Variants in R3HCC1 observed in about 807,000 individuals in gnomAD.
The protein encoded by R3HCC1 is R3H domain and coiled-coil containing 1.
Under a neutral mutation model 40.0 loss-of-function variants are expected in R3HCC1, and 32 were observed. That is an observed-to-expected ratio of 0.80 (90% CI 0.60 to 1.07). The LOEUF is 1.07. Ranked by LOEUF, R3HCC1 falls within the 50% of genes least tolerant of loss-of-function variation. R3HCC1 has a pLI of 0.00. For synonymous variants in R3HCC1, 237 were observed against 232.8 expected (o/e 1.02, Z -0.17); for missense variants, 586 against 563.3 (o/e 1.04, Z -0.41).
At chr8:23,294,061 G>A (rs759175321) in intron 6 of R3HCC1, among the ~76,000 whole-genome samples, 1 of 152,114 alleles carries the variant, frequency 6.6e-6, no homozygotes, top group Non-Finnish European at 1.5e-5. Context: ...GCCTGGGAGC[G>A]CCATTGCTGC....
intron 3 of R3HCC1, 133 bp from the exon 4 acceptor site, chr8:23,289,733 C>A: frequency 7.8e-7 from 1 of 1,284,460 alleles, no homozygotes; most frequent in South Asian, 1.6e-5. Context: ...AAGGGATTTT[C>A]GAGGGTCATT....
At chr8:23,294,019 C>T (rs1244515390) in intron 6 of R3HCC1, among the ~76,000 whole-genome samples, 1 of 152,176 alleles carries the variant, frequency 6.6e-6, no homozygotes, top group Non-Finnish European at 1.5e-5. Flanking sequence ...ACTGGTCTTC[C>T]CAGAAACAGC....
chr8:23,294,625 C>CT (rs1802948901), intron 6 of R3HCC1, 144 bp from the exon 7 acceptor site: 1 of 658,436 alleles, frequency 1.5e-6, no homozygotes. Flanking sequence ...GCAGTCGTCT[C>CT]TTGCCCATCC....
intron 1 of R3HCC1, 23 bp from the exon 2 acceptor site, chr8:23,288,483 G>A (rs1563177907): frequency 4.6e-6 from 7 of 1,535,112 alleles, no homozygotes; most frequent in South Asian, 1.2e-5. Context: ...TCTGATTCCC[G>A]GCCCTGCCCG....
chr8:23,295,827 A>G lies in R3HCC1; in HGVS notation c.1193-140A>G. 3.9e-6 allele frequency: 5 copies of G among 1,266,914 alleles called. No individual in the cohort carries two copies. In the South Asian group the frequency reaches 4.8e-5, roughly 12 times the overall value. The allele number at this position is 1,266,914 out of a possible 1,614,324, so 78.5% of individuals were successfully genotyped here. The stretch of plus-strand genomic sequence containing the variant: ...CCCCCTCTCATGAGCATCCGGCCAC[A>G]CCACGGGCACAGCTGGGCCGAGGCC... On this transcript the variant is annotated intron_variant, in intron 7 of 7. Transcript: ENST00000265806.
chr8:23,290,200 C>T lies in R3HCC1; in HGVS notation c.583C>T (p.Leu195=). The T allele has an allele frequency of 1.3e-6, 2 of 1,551,750 alleles. No individual in the cohort carries two copies. The highest frequency in any genetic ancestry group is 1.7e-4 in the Middle Eastern group (1 of 5,992). ...GCTGATGACTCAGGGAACAGAGGAC[C>T]TAAAGGGCCCAGGACAAAGGTGTGA... is the stretch of plus-strand genomic sequence containing the variant. The change falls in exon 4 of 8, where the codon CTA becomes TTA. Residue 195 remains leucine, a synonymous_variant. Transcript: ENST00000265806.
At chr8:23,294,910 TGTGC>T (rs1563180824) in intron 7 of R3HCC1, 46 bp downstream of exon 7, 4 of 1,350,548 alleles carry the variant, frequency 3.0e-6, no homozygotes, top group Non-Finnish European at 4.1e-6. Flanking sequence ...TGTGTGTGTG[TGTGC>T]GTGCGAGCAT....
chr8:23,288,659 G>A (rs1248861731), intron 2 of R3HCC1, 26 bp downstream of exon 2: 1 of 1,533,354 alleles, frequency 6.5e-7, no homozygotes, highest in Non-Finnish European at 8.7e-7. Context: ...GGGCGAGGGT[G>A]CCGCCTTGCT....
intron 7 of R3HCC1, 118 bp downstream of exon 7, chr8:23,294,982 C>A: frequency 1.3e-6 from 1 of 781,878 alleles, no homozygotes; most frequent in Non-Finnish European, 2.2e-6. Context: ...TCTGTTAATT[C>A]TTCCCGCTTG....
chr8:23,293,311 G>A lies in R3HCC1; in HGVS notation c.1034G>A (p.Gly345Glu), dbSNP rs1009404963. 5 of 1,551,290 alleles carry A rather than the reference G, an allele frequency of 3.2e-6. No homozygotes were observed. In the Admixed American group the frequency reaches 5.9e-5, roughly 18 times the overall value. ...CCTCTCTCGCCGCACAGAGAGAAGG[G>A]GTTCAGGATTCAGTGGGTGGATGAT... Residue 345 changes from glycine (G) to glutamate (E), a missense_variant, in exon 6 of 8, where the codon GGG (glycine) becomes GAG (glutamate). Coordinates refer to ENST00000265806, the MANE Select transcript of R3HCC1 (RefSeq NM_001136108.3).
chr8:23,294,826 G>A lies in R3HCC1; in HGVS notation c.1154G>A (p.Gly385Glu). The change falls in exon 7 of 8, where the codon GGA becomes GAA. Residue 385 changes from glycine (G) to glutamate (E), a missense_variant. Physicochemically the swap from Gly to Glu is moderately conservative, Grantham distance 98. Coordinates refer to ENST00000265806, the MANE Select transcript of R3HCC1 (RefSeq NM_001136108.3). ...CTCAAGATCCGGCCCCTCACACAGG[G>A]AACCAAGCAGTCAAAGCTCAAAGCC... 1 of 1,551,492 alleles carries A rather than the reference G, an allele frequency of 6.4e-7. No individual in the cohort carries two copies. Among genetic ancestry groups the A allele is most frequent in the Non-Finnish European group, 8.7e-7 (1 of 1,146,942 alleles).
chr8:23,294,918 C>G, intron 7 of R3HCC1, 54 bp downstream of exon 7: 1 of 1,266,538 alleles, frequency 7.9e-7, no homozygotes, highest in South Asian at 1.3e-5. Context: ...TGTGTGCGTG[C>G]GAGCATGTGT....
rs897789381 is a variant in R3HCC1, at chr8:23,295,769, G to C, written c.1193-198G>C. 7 of 733,114 alleles carry C rather than the reference G, an allele frequency of 9.5e-6. No individual in the cohort carries two copies. The African/African-American group carries it at 1.1e-4, about 11-fold the overall frequency. 45.4% of individuals were successfully genotyped at this position (733,114 alleles called of 1,614,324 possible). A position where few individuals can be genotyped will look rare whatever the true frequency, so the allele number is the denominator to read the frequency against. On this transcript the variant is annotated intron_variant, in intron 7 of 7. Transcript: ENST00000265806. ...ATGTAGAGGCGACAAGTTTGGGTCAGCATCCCCTGGGGGGCCAGGATCCCT... is the reference window on the plus strand; with the variant it reads ...ATGTAGAGGCGACAAGTTTGGGTCACCATCCCCTGGGGGGCCAGGATCCCT...
Position 23,290,433 on chromosome 8 carries a change from C to A in R3HCC1, c.816C>A (p.Ser272Arg). The change falls in exon 4 of 8, where the codon AGC (serine) becomes AGA (arginine). Residue 272 changes from serine to arginine, a missense_variant. Coordinates refer to ENST00000265806, the MANE Select transcript of R3HCC1 (RefSeq NM_001136108.3). Reference sequence around the variant, plus strand: ...AGGTGGAAGAGGATGGCCCCAGCAGCTGCTCGGAGGACGATTACAGTGAGC... The same window carrying A: ...AGGTGGAAGAGGATGGCCCCAGCAGATGCTCGGAGGACGATTACAGTGAGC... 1 of 1,551,310 alleles carries A rather than the reference C, an allele frequency of 6.4e-7. No homozygotes were observed. The highest frequency in any genetic ancestry group is 8.7e-7 in the Non-Finnish European group (1 of 1,146,886).
At chr8:23,295,614 T>C (rs1294569553) in intron 7 of R3HCC1, 2 of 458,936 alleles carry the variant, frequency 4.4e-6, no homozygotes, top group African/African-American at 4.0e-5. Flanking sequence ...ATAAATATCC[T>C]GTCCGTAGGT....
rs186891804 is a variant in R3HCC1 at position 23,296,222 on chromosome 8, G to A, written c.*125G>A. 1.7e-6 allele frequency: 2 copies of A among 1,165,892 alleles called. No individual in the cohort carries two copies. Among genetic ancestry groups the A allele is most frequent in the East Asian group, 5.4e-5 (2 of 36,956 alleles). 72.2% of individuals were successfully genotyped at this position (1,165,892 alleles called of 1,614,324 possible). The stretch of plus-strand genomic sequence containing the variant: ...CGAGCTTCACCATGGGGTGTGGTGG[G>A]CTTTAGTTTAGTCCCAGAAATGGAG... On this transcript the variant is annotated 3_prime_UTR_variant, in exon 8 of 8. Transcript: ENST00000265806.
intron 2 of R3HCC1, 145 bp downstream of exon 2, chr8:23,288,778 C>T: frequency 8.9e-7 from 1 of 1,123,968 alleles, no homozygotes. Context: ...CCTCTTTTAG[C>T]TGCATCTTTG....
chr8:23,289,636 A>T (rs939330403), intron 3 of R3HCC1, among the ~76,000 whole-genome samples: 1 of 152,198 alleles, frequency 6.6e-6, no homozygotes, highest in Non-Finnish European at 1.5e-5. Context: ...AGATGGACTG[A>T]TCTCTAATTT....
At chr8:23,293,452 C>T in intron 6 of R3HCC1, 79 bp downstream of exon 6, 2 of 1,137,682 alleles carry the variant, frequency 1.8e-6, no homozygotes, top group Non-Finnish European at 2.6e-6. Context: ...GGGTAGAGGC[C>T]ACCATCTCCT....
Sources: allele counts gnomAD v4.1 joint callset (sites outside exome capture counted in the v4.1 genomes callset), GRCh38; gene constraint gnomAD v4.1.1; transcripts MANE v1.5; gene names NCBI Gene and HGNC (gene_info 2026-07-23, HGNC 2026-07-21).